The following FTO variants were observed in gnomAD, a reference collection of about 807,000 sequenced individuals.
FTO encodes the protein alpha-ketoglutarate-dependent dioxygenase FTO.
FTO carries 47 observed loss-of-function variants against 63.9 expected under a neutral mutation model. The ratio of observed to expected loss-of-function variants is 0.74; its 90% CI spans 0.58 to 0.94. The LOEUF is 0.94. Among genes scored for constraint, FTO ranks in the 40% least tolerant of loss-of-function variants. FTO has a pLI of 0.00. For synonymous variants in FTO, 207 were observed against 224.4 expected (o/e 0.92, Z 0.69); for missense variants, 562 against 618.1 (o/e 0.91, Z 0.96).
At chr16:53,822,257 C>T (rs1321331708) in intron 2 of FTO, among the ~76,000 whole-genome samples, 2 of 152,182 alleles carry the variant, frequency 1.3e-5, no homozygotes, top group Admixed American at 6.5e-5. Context: ...AACCCTAGAA[C>T]GTACTCATCT....
intron 5 of FTO, among the ~76,000 whole-genome samples, chr16:53,874,259 C>A (rs141462577): frequency 2.1e-3 from 318 of 152,274 alleles, no homozygotes; most frequent in Admixed American, 4.3e-3. Context: ...TGAGAATTTT[C>A]ATTTCCCTTA....
At chr16:54,077,809 G>C (rs762793789) in intron 8 of FTO, among the ~76,000 whole-genome samples, 1 of 152,176 alleles carries the variant, frequency 6.6e-6, no homozygotes, top group Non-Finnish European at 1.5e-5. Flanking sequence ...AGAATGGCAG[G>C]CAGTCGGATC....
At chr16:53,912,030 A>C (rs1448444415) in intron 7 of FTO, among the ~76,000 whole-genome samples, 1 of 152,252 alleles carries the variant, frequency 6.6e-6, no homozygotes, top group Non-Finnish European at 1.5e-5. Context: ...TTAAAATCCA[A>C]GGTGCATTTT....
intron 8 of FTO, among the ~76,000 whole-genome samples, chr16:54,073,480 A>G (rs2085917570): frequency 6.6e-6 from 1 of 151,864 alleles, no homozygotes; most frequent in South Asian, 2.1e-4. Flanking sequence ...TGTGGCCCTG[A>G]GTTAAAGTCA....
intron 3 of FTO, among the ~76,000 whole-genome samples, chr16:53,831,839 G>C (rs537545507): frequency 4.6e-5 from 7 of 152,270 alleles, no homozygotes; most frequent in African/African-American, 1.7e-4. Flanking sequence ...CAACAAGTGT[G>C]GATGGAATAG....
chr16:53,767,921 C>T (rs978499060), intron 1 of FTO, among the ~76,000 whole-genome samples: 3 of 152,132 alleles, frequency 2.0e-5, no homozygotes, highest in African/African-American at 7.2e-5. Flanking sequence ...CTAATTCTGG[C>T]TGGATTGTTC....
At chr16:53,760,446 A>G (rs148645273) in intron 1 of FTO, among the ~76,000 whole-genome samples, 153 of 151,368 alleles carry the variant, frequency 1.0e-3, no homozygotes, top group African/African-American at 3.6e-3. Context: ...GGGTTTTGCC[A>G]TGTTGCCCAG....
intron 3 of FTO, among the ~76,000 whole-genome samples, chr16:53,836,075 G>A (rs2079283238): frequency 6.6e-6 from 1 of 152,032 alleles, no homozygotes; most frequent in Admixed American, 6.5e-5. Context: ...ATTTTTAGTA[G>A]AGACAAGGTT....
At chr16:54,036,281 C>G (rs2084939392) in intron 8 of FTO, among the ~76,000 whole-genome samples, 1 of 152,188 alleles carries the variant, frequency 6.6e-6, no homozygotes, top group Non-Finnish European at 1.5e-5. Context: ...TGACCAGACT[C>G]AGTTCCCAGC....
intron 6 of FTO, among the ~76,000 whole-genome samples, chr16:53,884,634 T>G (rs1044472472): frequency 6.6e-6 from 1 of 152,210 alleles, no homozygotes; most frequent in Non-Finnish European, 1.5e-5. Context: ...TGCTGACCCG[T>G]TGGAATGATG....
At chr16:53,917,705 A>AGT (rs1258203865) in intron 7 of FTO, among the ~76,000 whole-genome samples, 6 of 115,256 alleles carry the variant, frequency 5.2e-5, no homozygotes, top group Non-Finnish European at 1.1e-4. Flanking sequence ...CACAAAATTG[A>AGT]GTGAGTGTGT....
At chr16:53,751,075 T>G (rs1357631344) in intron 1 of FTO, among the ~76,000 whole-genome samples, 5 of 152,272 alleles carry the variant, frequency 3.3e-5, no homozygotes, top group South Asian at 4.1e-4. Context: ...TTGGCTTCCC[T>G]GGGCCACAAT....
In FTO at chr16:54,119,298, G is replaced by A. The variant is rs2086991343; in HGVS notation, c.*7383G>A. ...ATTATCCTTTCAAATAGGGAATTCG[G>A]CTTTCCACGTTGGAACCAGAACAGT... On this transcript the variant is annotated 3_prime_UTR_variant, in exon 9 of 9. Coordinates refer to ENST00000471389, the MANE Select transcript of FTO (RefSeq NM_001080432.3). The A allele has an allele frequency of 2.0e-5, 3 of 152,166 alleles. No homozygotes were observed. Among genetic ancestry groups the A allele is most frequent in the African/African-American group, 7.2e-5 (3 of 41,430 alleles). The allele number at this position is 152,166 out of a possible 1,614,324, so 9.4% of individuals were successfully genotyped here. A position where few individuals can be genotyped will look rare whatever the true frequency, so the allele number is the denominator to read the frequency against.
chr16:53,830,367 G>C (rs1344401685), intron 3 of FTO, among the ~76,000 whole-genome samples: 1 of 152,112 alleles, frequency 6.6e-6, no homozygotes, highest in Non-Finnish European at 1.5e-5. Context: ...GAACTTTAGC[G>C]GGGAAGGCAT....
intron 8 of FTO, among the ~76,000 whole-genome samples, chr16:54,060,491 G>A (rs900059134): frequency 3.3e-5 from 5 of 152,100 alleles, no homozygotes; most frequent in Admixed American, 1.3e-4. Context: ...TTTTACAGAC[G>A]GGGAAACTAA....
In FTO at chr16:54,062,225, C is replaced by G. The variant is rs896195939; in HGVS notation, c.1365-49537C>G. 2.0e-5 allele frequency among the ~76,000 whole-genome samples: 3 copies of G among 152,142 alleles called. No homozygotes were observed. The South Asian group carries it at 6.2e-4, about 32-fold the overall frequency. ...GCAAACCCAAAGTCCCCTTGAAATT[C>G]TTATTTATTATTAGTTCCGGTTAAT... On this transcript the variant is annotated intron_variant, in intron 8 of 8. Coordinates refer to ENST00000471389, the MANE Select transcript of FTO (RefSeq NM_001080432.3).
chr16:53,997,196 AGAAAGAAAGAAGGAAGGAAG>A (rs2083954044), intron 8 of FTO, among the ~76,000 whole-genome samples: 2 of 147,396 alleles, frequency 1.4e-5, no homozygotes, highest in East Asian at 4.2e-4. Context: ...GGAAGGAAGG[AGAAAGAAAGAAGGAAGGAAG>A]GAGAGAGAGA....
chr16:54,001,554 C>G (rs2143996381), intron 8 of FTO, among the ~76,000 whole-genome samples: 1 of 152,260 alleles, frequency 6.6e-6, no homozygotes, highest in South Asian at 2.1e-4. Context: ...TAGTGGGTTA[C>G]AAAGTGACAG....
Position 54,008,844 on chromosome 16 carries a change from T to G in FTO, c.1364+74735T>G, listed in dbSNP as rs571807825. Among the ~76,000 whole-genome samples, 308 of 64,698 alleles carry G rather than the reference T, an allele frequency of 4.8e-3. 4 individuals are homozygous for G. The highest frequency in any genetic ancestry group is 7.5e-3 in the Middle Eastern group (1 of 134). 42.4% of individuals were successfully genotyped at this position (64,698 alleles called of 152,430 possible). A position where few individuals can be genotyped will look rare whatever the true frequency, so the allele number is the denominator to read the frequency against. On this transcript the variant is annotated intron_variant, in intron 8 of 8. Coordinates refer to ENST00000471389, the MANE Select transcript of FTO (RefSeq NM_001080432.3). ...ATAATAATAATAATAATAATAATAATAATAATAATAATAATAAATTAGCTG... is the reference window on the plus strand; with the variant it reads ...ATAATAATAATAATAATAATAATAAGAATAATAATAATAATAAATTAGCTG...
Sources: gnomAD v4.1 joint callset for allele counts (sites outside exome capture counted in the v4.1 genomes callset) on GRCh38, gnomAD v4.1.1 for gene constraint, MANE v1.5 for transcripts, NCBI Gene and HGNC (gene_info 2026-07-23, HGNC 2026-07-21) for gene names.